The following MAP2K4 variants were observed in gnomAD, a reference collection of about 807,000 sequenced individuals.
MAP2K4 encodes mitogen-activated protein kinase kinase 4, also known as dual specificity mitogen-activated protein kinase kinase 4.
A neutral mutation model predicts 48.5 loss-of-function variants in MAP2K4; 4 were observed. The observed-to-expected ratio is 0.08, with a 90% CI of 0.04 to 0.19. The LOEUF (loss-of-function observed/expected upper bound fraction) is 0.19, where lower values mean the gene tolerates loss of function less well. MAP2K4 is among the 10% of genes least tolerant of loss of function. MAP2K4 has a pLI of 1.00. For synonymous variants in MAP2K4, 166 were observed against 173.1 expected (o/e 0.96, Z 0.32); for missense variants, 258 against 493.3 (o/e 0.52, Z 4.52).
chr17:12,078,950 A>G (rs1971099860), intron 2 of MAP2K4, among the ~76,000 whole-genome samples: 1 of 152,316 alleles, frequency 6.6e-6, no homozygotes. Context: ...AGACGAATGT[A>G]TGAACATGCC....
chr17:12,088,946 C>G (rs1971472765), intron 3 of MAP2K4, among the ~76,000 whole-genome samples: 2 of 146,102 alleles, frequency 1.4e-5, no homozygotes, highest in African/African-American at 2.5e-5. Context: ...GAGTCTCGCT[C>G]TGTCACCCAG....
chr17:12,085,310 A>T (rs777349697), intron 3 of MAP2K4, among the ~76,000 whole-genome samples: 8 of 152,122 alleles, frequency 5.3e-5, no homozygotes, highest in Non-Finnish European at 8.8e-5. Context: ...CTGTCATCTC[A>T]TTGAAGAACT....
intron 8 of MAP2K4, among the ~76,000 whole-genome samples, chr17:12,126,816 C>G (rs1236460134): frequency 1.3e-5 from 2 of 152,196 alleles, no homozygotes; most frequent in East Asian, 3.9e-4. Context: ...TCTACCAGGA[C>G]TTGCTGGGTT....
intron 1 of MAP2K4, among the ~76,000 whole-genome samples, chr17:12,036,050 A>T (rs1472786346): frequency 1.3e-5 from 2 of 152,222 alleles, no homozygotes; most frequent in Non-Finnish European, 2.9e-5. Flanking sequence ...TAGAAATTCA[A>T]TAAAAATTCA....
intron 3 of MAP2K4, among the ~76,000 whole-genome samples, chr17:12,082,969 T>C (rs898690270): frequency 1.3e-5 from 2 of 152,232 alleles, no homozygotes; most frequent in African/African-American, 4.8e-5. Context: ...ATGAATGTTG[T>C]GTTGTCCCTT....
At chr17:12,038,664 ATG>A (rs901247718) in intron 1 of MAP2K4, among the ~76,000 whole-genome samples, 1 of 152,174 alleles carries the variant, frequency 6.6e-6, no homozygotes, top group African/African-American at 2.4e-5. Flanking sequence ...ATAACTCTTA[ATG>A]TGTGTCAAAT....
chr17:12,070,787 A>C (rs1021292694), intron 2 of MAP2K4, among the ~76,000 whole-genome samples: 1 of 152,180 alleles, frequency 6.6e-6, no homozygotes, highest in African/African-American at 2.4e-5. Flanking sequence ...GCAAAGCCTA[A>C]AATATTTGCT....
chr17:12,081,353 C>G lies in MAP2K4; in HGVS notation c.219-3C>G. Reference sequence around the variant, plus strand: ...GAAAAATTGCTTCCCAATATTTTAACAGAGAGAGACTGAGAACACACAGCA... The same window carrying G: ...GAAAAATTGCTTCCCAATATTTTAAGAGAGAGAGACTGAGAACACACAGCA... On this transcript the variant is annotated splice_polypyrimidine_tract_variant and splice_region_variant and intron_variant, in intron 2 of 10. Transcript: ENST00000353533. This position sits in a 1 kb window ranked among gnomAD's most constrained non-coding sequence, Gnocchi z 4.2. 3 of 1,593,948 alleles carry G rather than the reference C, an allele frequency of 1.9e-6. No individual in the cohort carries two copies. Among genetic ancestry groups the G allele is most frequent in the South Asian group, 1.2e-5 (1 of 86,186 alleles).
At chr17:12,107,343 T>C (rs968445843) in intron 4 of MAP2K4, among the ~76,000 whole-genome samples, 1 of 151,474 alleles carries the variant, frequency 6.6e-6, no homozygotes, top group African/African-American at 2.4e-5. Flanking sequence ...TACGGGGTCT[T>C]GAGGCATGGG....
rs1386539830 is a variant in MAP2K4 at position 12,142,451 on chromosome 17, CAGTT to C, written c.*1194_*1197del. ...TTTTTTCTATATCAAAAAACCTTTA[CAGTT>C]AGCAGGGATGTTCCTTACCAAGGAT... On this transcript the variant is annotated 3_prime_UTR_variant, in exon 11 of 11. Coordinates refer to ENST00000353533, the MANE Select transcript of MAP2K4 (RefSeq NM_003010.4). 6.4e-5 allele frequency: 15 copies of C among 232,812 alleles called. No homozygotes were observed. The highest frequency in any genetic ancestry group is 4.2e-5 in the Non-Finnish European group (5 of 117,880). 14.4% of individuals were successfully genotyped at this position (232,812 alleles called of 1,614,324 possible). A position where few individuals can be genotyped will look rare whatever the true frequency, so the allele number is the denominator to read the frequency against.
chr17:12,046,848 T>C (rs1969979173), intron 1 of MAP2K4, among the ~76,000 whole-genome samples: 1 of 152,120 alleles, frequency 6.6e-6, no homozygotes, highest in Non-Finnish European at 1.5e-5. Context: ...TTTTCCTTGT[T>C]AGATGAGCAG....
At chr17:12,079,939 A>C (rs533763911) in intron 2 of MAP2K4, among the ~76,000 whole-genome samples, 4 of 152,346 alleles carry the variant, frequency 2.6e-5, no homozygotes, top group Non-Finnish European at 4.4e-5. Context: ...TGGATGCTAG[A>C]GTATCAAATA....
chr17:12,115,208 C>T (rs1005552963), intron 7 of MAP2K4, among the ~76,000 whole-genome samples: 3 of 152,042 alleles, frequency 2.0e-5, no homozygotes, highest in African/African-American at 4.8e-5. Flanking sequence ...TCCTGTAAAC[C>T]GATTTCTTGT....
intron 3 of MAP2K4, among the ~76,000 whole-genome samples, chr17:12,090,347 C>A (rs1178996148): frequency 6.6e-6 from 1 of 152,076 alleles, no homozygotes; most frequent in Admixed American, 6.6e-5. Context: ...GTGTGCTGAC[C>A]TCTCTAGTAA....
intron 4 of MAP2K4, among the ~76,000 whole-genome samples, chr17:12,103,459 TTTTG>T (rs1972006320): frequency 1.3e-5 from 2 of 152,146 alleles, no homozygotes; most frequent in Non-Finnish European, 2.9e-5. Context: ...AATTTGCTTT[TTTTG>T]TTTGTTTCTT....
At chr17:12,118,855 CCTGTGA>C (rs1972584498) in intron 7 of MAP2K4, among the ~76,000 whole-genome samples, 1 of 152,108 alleles carries the variant, frequency 6.6e-6, no homozygotes. Context: ...TAACCTCTGG[CCTGTGA>C]CTATTCAGTG....
intron 6 of MAP2K4, among the ~76,000 whole-genome samples, chr17:12,112,353 C>T (rs1446817123): frequency 6.6e-6 from 1 of 150,982 alleles, no homozygotes; most frequent in African/African-American, 2.4e-5. Flanking sequence ...ATCCCAGCTA[C>T]TTGGGAGGCT....
In MAP2K4 at chr17:12,087,090, G is replaced by T. The variant is rs11871763; in HGVS notation, c.393+5560G>T. 7.2e-3 allele frequency among the ~76,000 whole-genome samples: 1,095 copies of T among 152,120 alleles called. 9 individuals are homozygous for T. The highest frequency in any genetic ancestry group is 0.026 in the African/African-American group (1,061 of 41,480). On this transcript the variant is annotated intron_variant, in intron 3 of 10. Transcript: ENST00000353533. ...TTGAACTACTGACTTCAGGTGATCT[G>T]CCCGCCTCAGCCTCCCAAAAGTGCT... is the stretch of plus-strand genomic sequence containing the variant.
chr17:12,089,313 G>C (rs1295935801), intron 3 of MAP2K4, among the ~76,000 whole-genome samples: 1 of 152,178 alleles, frequency 6.6e-6, no homozygotes, highest in African/African-American at 2.4e-5. Flanking sequence ...CCTAGTTATA[G>C]CAGATTCCAC....
Sources: gnomAD v4.1 joint callset for allele counts (sites outside exome capture counted in the v4.1 genomes callset) on GRCh38, gnomAD v4.1.1 for gene constraint, Gnocchi (gnomAD v3.1) non-coding constraint, MANE v1.5 for transcripts, NCBI Gene and HGNC (gene_info 2026-07-23, HGNC 2026-07-21) for gene names.